The following AKR1C1 variants were observed in gnomAD, a reference collection of about 807,000 sequenced individuals.
AKR1C1 encodes aldo-keto reductase family 1 member C1.
A neutral mutation model predicts 40.6 loss-of-function variants in AKR1C1; 32 were observed. The observed-to-expected ratio is 0.79, with a 90% CI of 0.60 to 1.06. The LOEUF (loss-of-function observed/expected upper bound fraction) is 1.06. AKR1C1 is among the 50% of genes least tolerant of loss of function. AKR1C1 has a pLI of 0.00. For synonymous variants in AKR1C1, 105 were observed against 134.2 expected (o/e 0.78, Z 1.50); for missense variants, 320 against 363.5 (o/e 0.88, Z 0.97).
intron 8 of AKR1C1, among the ~76,000 whole-genome samples, chr10:4,977,478 G>A (rs1191782484): frequency 2.0e-5 from 3 of 152,168 alleles, no homozygotes; most frequent in Non-Finnish European, 4.4e-5. Flanking sequence ...TGTTTTATGT[G>A]TTAAGTTCCA....
At position 4,980,506 on chromosome 10, in the gene AKR1C1, A is replaced by G. The variant is rs551352213; in HGVS notation, c.*2764A>G. 31 of 144,938 alleles carry G rather than the reference A, an allele frequency of 2.1e-4. No homozygotes were observed. Among genetic ancestry groups the G allele is most frequent in the African/African-American group, 7.1e-4 (28 of 39,596 alleles). The allele number at this position is 144,938 out of a possible 1,614,324, so 9.0% of individuals were successfully genotyped here. A position where few individuals can be genotyped will look rare whatever the true frequency, so the allele number is the denominator to read the frequency against. ...AAACACTGTCATGGCCTTATCAACT[A>G]TGCTTCTGTAATATTCTGAATCCTT... On this transcript the variant is annotated 3_prime_UTR_variant, in exon 9 of 9. Transcript: ENST00000380872.
At position 4,966,921 on chromosome 10, in the gene AKR1C1, C is replaced by A. The variant is rs1836342193; in HGVS notation, c.253-6C>A. 6.2e-7 allele frequency: 1 copy of A among 1,610,824 alleles called. No homozygotes were observed. Among genetic ancestry groups the A allele is most frequent in the East Asian group, 2.2e-5 (1 of 44,792 alleles). The stretch of plus-strand genomic sequence containing the variant: ...TTACACAACTTCCTTTCTCTAACCT[C>A]TGCAGCTTTGGTGCAATTCCCATCG... On this transcript the variant is annotated splice_region_variant and splice_polypyrimidine_tract_variant and intron_variant, in intron 2 of 8. Coordinates refer to ENST00000380872, the MANE Select transcript of AKR1C1 (RefSeq NM_001353.6).
chr10:4,969,786 C>A, intron 5 of AKR1C1: 1 of 1,574,376 alleles, frequency 6.4e-7, no homozygotes. Context: ...AGTTACTACA[C>A]TTTTCCCAGT....
rs1235576488 is a variant in AKR1C1, at chr10:4,981,727, C to T, written c.*3985C>T. 1 of 151,834 alleles carries T rather than the reference C, an allele frequency of 6.6e-6. No homozygotes were observed. Among genetic ancestry groups the T allele is most frequent in the Non-Finnish European group, 1.5e-5 (1 of 67,830 alleles). 9.4% of individuals were successfully genotyped at this position (151,834 alleles called of 1,614,324 possible). On this transcript the variant is annotated 3_prime_UTR_variant, in exon 9 of 9. Coordinates refer to ENST00000380872, the MANE Select transcript of AKR1C1 (RefSeq NM_001353.6). The stretch of plus-strand genomic sequence containing the variant: ...CCACTGGGGATCTGGAAATTCAGGC[C>T]ACAAGAGAAGGCTTTGATCCTGTGC...
chr10:4,963,903 G>T, intron 1 of AKR1C1: 1 of 757,700 alleles, frequency 1.3e-6, no homozygotes, highest in Non-Finnish European at 2.5e-6. Context: ...AGTTAGTGGA[G>T]ACGGGGTGGA....
intron 8 of AKR1C1, 50 bp downstream of exon 8, chr10:4,975,983 G>A (rs1238501585): frequency 3.1e-5 from 11 of 358,790 alleles, no homozygotes; most frequent in South Asian, 7.4e-5. Flanking sequence ...GAGGAGGAAC[G>A]TAGGATGGGT....
In AKR1C1 at chr10:4,979,249, G is replaced by A. The variant is rs1564320146; in HGVS notation, c.*1507G>A. ...ATTATTTTTCGTCTTCTATCATTCC[G>A]CTGATCTTAGATATTCTCTGCATTA... On this transcript the variant is annotated 3_prime_UTR_variant, in exon 9 of 9. Transcript: ENST00000380872. The A allele has an allele frequency of 1.3e-5, 2 of 150,644 alleles. No homozygotes were observed. Among genetic ancestry groups the A allele is most frequent in the African/African-American group, 2.5e-5 (1 of 40,040 alleles). The allele number at this position is 150,644 out of a possible 1,614,324, so 9.3% of individuals were successfully genotyped here. A position where few individuals can be genotyped will look rare whatever the true frequency, so the allele number is the denominator to read the frequency against.
Position 4,977,680 on chromosome 10 carries a change from A to G in AKR1C1, c.930-20A>G. 6.3e-7 allele frequency: 1 copy of G among 1,597,970 alleles called. No homozygotes were observed. On this transcript the variant is annotated intron_variant, in intron 8 of 8. Transcript: ENST00000380872. ...GGAGTCATTGCCATTCAGAGTGTGCATTTTTTTTTCTCTTTCCAGTTTTGC... is the reference window on the plus strand; with the variant it reads ...GGAGTCATTGCCATTCAGAGTGTGCGTTTTTTTTTCTCTTTCCAGTTTTGC...
chr10:4,963,623 A>C lies in AKR1C1; in HGVS notation c.84+95A>C, dbSNP rs561945380. 1.6e-4 allele frequency: 175 copies of C among 1,077,160 alleles called. No individual in the cohort carries two copies. The African/African-American group carries it at 2.5e-3, about 15-fold the overall frequency. The allele number at this position is 1,077,160 out of a possible 1,614,324, so 66.7% of individuals were successfully genotyped here. On this transcript the variant is annotated intron_variant, in intron 1 of 8. Transcript: ENST00000380872. ...GGCTTGTGTTCCTATGTTACTCTGC[A>C]TGACTCCCCTTTAAACGTCAGTCTT... is the stretch of plus-strand genomic sequence containing the variant.
At chr10:4,976,205 C>T (rs1836524156) in intron 8 of AKR1C1, among the ~76,000 whole-genome samples, 1 of 152,144 alleles carries the variant, frequency 6.6e-6, no homozygotes, top group African/African-American at 2.4e-5. Context: ...GAATCTGCAC[C>T]TTCCATGTAG....
In AKR1C1 at chr10:4,968,891, C is replaced by T. The variant is rs765876886; in HGVS notation, c.517C>T (p.Leu173=). The change falls in exon 5 of 9, where the codon CTG becomes TTG. Residue 173 remains leucine (L), a synonymous_variant. Transcript: ENST00000380872. ...GGTGTCCAACTTCAACCGCAGGCAG[C>T]TGGAGATGATCCTCAACAAGCCAGG... ...IGVSNFNRRQ[L]EMILNKPGLK... is the part of the protein sequence containing the mutation. The T allele has an allele frequency of 4.3e-6, 7 of 1,614,090 alleles. No individual in the cohort carries two copies. In the African/African-American group the frequency reaches 9.3e-5, roughly 22 times the overall value.
At chr10:4,965,709 T>C (rs966483355) in intron 1 of AKR1C1, 12 of 517,034 alleles carry the variant, frequency 2.3e-5, no homozygotes, top group Non-Finnish European at 3.6e-5. Context: ...CAGTGATTTT[T>C]CTGGGACTGC....
intron 7 of AKR1C1, among the ~76,000 whole-genome samples, 186 bp downstream of exon 7, chr10:4,972,935 A>C (rs1181483023): frequency 2.2e-5 from 3 of 134,698 alleles, no homozygotes; most frequent in African/African-American, 7.9e-5. Context: ...AGGTGGAGAG[A>C]AATAGGATGG....
intron 7 of AKR1C1, among the ~76,000 whole-genome samples, chr10:4,975,446 T>C (rs1554770373): frequency 6.6e-6 from 1 of 152,220 alleles, no homozygotes; most frequent in African/African-American, 2.4e-5. Context: ...TTTCCTATTA[T>C]ACCTGTTCAT....
rs1836326661 is a variant in AKR1C1 at position 4,965,978 on chromosome 10, A to G, written c.149A>G (p.Asp50Gly). 5.0e-6 allele frequency: 8 copies of G among 1,614,252 alleles called. No individual in the cohort carries two copies. The highest frequency in any genetic ancestry group is 5.9e-6 in the Non-Finnish European group (7 of 1,180,044). Residue 50 changes from aspartate to glycine, a missense_variant, in exon 2 of 9, where the codon GAT (aspartate) becomes GGT (glycine). Physicochemically the swap from Asp to Gly is moderately conservative, Grantham distance 94. This residue lies in a region of AKR1C1 where 214 missense variants were observed against 214.8 expected (regional missense o/e 1.00). Transcript: ENST00000380872. ...ATTGAAGCTGGCTTCCGCCATATTG[A>G]TTCTGCTCATTTATACAATAATGAG... ...LAIEAGFRHI[D>G]SAHLYNNEEQ...
At chr10:4,970,890 A>C (rs1214128862) in intron 5 of AKR1C1, among the ~76,000 whole-genome samples, 1 of 151,978 alleles carries the variant, frequency 6.6e-6, no homozygotes, top group Non-Finnish European at 1.5e-5. Flanking sequence ...CAGCGTACCA[A>C]CATGGCACAT....
chr10:4,969,343 G>A (rs1422266098), intron 5 of AKR1C1, among the ~76,000 whole-genome samples: 2 of 152,248 alleles, frequency 1.3e-5, no homozygotes, highest in African/African-American at 4.8e-5. Flanking sequence ...TAAGGAGAGA[G>A]TGAGAGCAAG....
chr10:4,967,625 A>C (rs1169018923), intron 3 of AKR1C1: 1 of 905,974 alleles, frequency 1.1e-6, no homozygotes, highest in African/African-American at 1.8e-5. Context: ...TTAATGCAAA[A>C]GGGTATATTA....
chr10:4,969,033 T>C (rs528116528), intron 5 of AKR1C1, 89 bp downstream of exon 5: 611 of 1,598,012 alleles, frequency 3.8e-4, no homozygotes, highest in Non-Finnish European at 5.1e-4. Flanking sequence ...GTCCCACTTA[T>C]CTTTGTAAAA....
Sources: allele counts gnomAD v4.1 joint callset (sites outside exome capture counted in the v4.1 genomes callset), GRCh38; gene constraint gnomAD v4.1.1; regional missense constraint gnomAD v4.1.1; transcripts MANE v1.5; gene names NCBI Gene and HGNC (gene_info 2026-07-23, HGNC 2026-07-21).